URI1: variants seen among roughly 807,000 people sequenced by gnomAD.
The protein encoded by URI1 is unconventional prefoldin RPB5 interactor 1.
A neutral mutation model predicts 60.2 loss-of-function variants in URI1; 39 were observed. That is an observed-to-expected ratio of 0.65 (90% CI 0.50 to 0.85). URI1 has a LOEUF of 0.85. Ranked by LOEUF, URI1 falls within the 40% of genes least tolerant of loss-of-function variation. The probability of loss-of-function intolerance (pLI) is 0.00; values close to 1 mark genes in which losing one functional copy is unlikely to be tolerated. For synonymous variants in URI1, 251 were observed against 236.8 expected, an observed-to-expected ratio of 1.06 and a Z score of -0.55; for missense variants, 691 against 665.9, an observed-to-expected ratio of 1.04 and a Z score of -0.42.
At chr19:29,964,968 A>T (rs1387733591) in intron 1 of URI1, among the ~76,000 whole-genome samples, 1 of 151,626 alleles carries the variant, frequency 6.6e-6, no homozygotes, top group East Asian at 1.9e-4. Context: ...TTGCTACTCT[A>T]AAGTTTTCTT....
rs1318145511 is a variant in URI1, at chr19:29,986,369, A to G, written c.319A>G (p.Lys107Glu). 2 of 1,610,382 alleles carry G rather than the reference A, an allele frequency of 1.2e-6. No homozygotes were observed. Among genetic ancestry groups the G allele is most frequent in the African/African-American group, 1.3e-5 (1 of 74,742 alleles). ...TTTACTGGGGGACAACTGGTTTGCA[A>G]AGTGCTCAGCAAAGCAGGCTGTAGG... ...TVLLGDNWFA[K>E]CSAKQAVGLV... The change falls in exon 4 of 11, where the codon AAG (lysine) becomes GAG (glutamate). Residue 107 changes from lysine to glutamate, a missense_variant. Coordinates refer to ENST00000392271, the MANE Select transcript of URI1 (RefSeq NM_003796.3).
chr19:30,011,015 GT>G, intron 8 of URI1, 78 bp from the exon 9 acceptor site: 1 of 1,471,908 alleles, frequency 6.8e-7, no homozygotes, highest in Non-Finnish European at 9.2e-7. Context: ...TATTTTTTTA[GT>G]TATAGAGTTT....
chr19:30,011,281 C>G (rs767275652), intron 9 of URI1, 45 bp downstream of exon 9: 3 of 1,546,756 alleles, frequency 1.9e-6, no homozygotes, highest in Non-Finnish European at 2.6e-6. Context: ...GGGCTTGCCT[C>G]TCTTTCTGCC....
At position 30,015,133 on chromosome 19, in the gene URI1, A is replaced by G. The variant is rs538420240; in HGVS notation, c.*64A>G. ...AGTTGTTCATTTGTTTAGAGTATCT[A>G]TAGCAAAATAGGTTACATGTAGTTT... On this transcript the variant is annotated 3_prime_UTR_variant, in exon 11 of 11. Coordinates refer to ENST00000392271, the MANE Select transcript of URI1 (RefSeq NM_003796.3). 1.6e-4 allele frequency: 244 copies of G among 1,550,218 alleles called. No individual in the cohort carries two copies. In the African/African-American group the frequency reaches 1.9e-3, roughly 12 times the overall value.
At chr19:29,964,464 GTTT>G (rs373357906) in intron 1 of URI1, among the ~76,000 whole-genome samples, 1 of 124,646 alleles carries the variant, frequency 8.0e-6, no homozygotes, top group Admixed American at 8.2e-5. Context: ...TTTTTGTTTT[GTTT>G]TTTTTTTTTT....
At chr19:29,989,782 T>TAA (rs780848981) in intron 4 of URI1, among the ~76,000 whole-genome samples, 14 of 140,504 alleles carry the variant, frequency 1.0e-4, no homozygotes, top group Non-Finnish European at 3.1e-5. Flanking sequence ...TTTTTTTTTT[T>TAA]AATATATTCT....
At chr19:29,946,269 T>C (rs1204406750) in intron 1 of URI1, among the ~76,000 whole-genome samples, 1 of 152,212 alleles carries the variant, frequency 6.6e-6, no homozygotes, top group Non-Finnish European at 1.5e-5. Flanking sequence ...TTGTGGAGTG[T>C]CTTGGGCTGT....
rs1473950105 is a variant in URI1 at position 29,993,668 on chromosome 19, A to T, written c.367+7251A>T. On this transcript the variant is annotated intron_variant, in intron 4 of 10. Transcript: ENST00000392271. ...GGTCATTCACAAGATGGGCTTTTTT[A>T]AAAATTATTTTTTTAGTAGGTTATA... Among the ~76,000 whole-genome samples, 7 of 152,190 alleles carry T rather than the reference A, an allele frequency of 4.6e-5. No homozygotes were observed. The East Asian group carries it at 1.2e-3, about 25-fold the overall frequency.
At chr19:29,927,462 A>G (rs2145189925) in intron 1 of URI1, among the ~76,000 whole-genome samples, 1 of 149,170 alleles carries the variant, frequency 6.7e-6, no homozygotes, top group South Asian at 2.1e-4. Context: ...GGGTTTCACC[A>G]TATTGGCCAG....
chr19:29,991,602 T>TG (rs1174155101), intron 4 of URI1, among the ~76,000 whole-genome samples: 5 of 152,170 alleles, frequency 3.3e-5, no homozygotes, highest in African/African-American at 1.2e-4. Flanking sequence ...TTCTTTTTCT[T>TG]GCCTTACTTC....
chr19:29,930,087 C>T (rs1448644289), intron 1 of URI1, among the ~76,000 whole-genome samples: 2 of 151,682 alleles, frequency 1.3e-5, no homozygotes, highest in African/African-American at 4.8e-5. Context: ...CTACAGGTGC[C>T]ACCCAACACC....
upstream of URI1, among the ~76,000 whole-genome samples, chr19:29,938,510 G>C (rs1025933704): frequency 6.6e-6 from 1 of 151,986 alleles, no homozygotes; most frequent in Non-Finnish European, 1.5e-5. Flanking sequence ...GATTTTGAGG[G>C]AACAATATCC....
intron 4 of URI1, among the ~76,000 whole-genome samples, chr19:29,991,633 T>C (rs2055748213): frequency 6.6e-6 from 1 of 152,146 alleles, no homozygotes; most frequent in Non-Finnish European, 1.5e-5. Context: ...ACTTGCAGTA[T>C]AATATTGAAT....
At chr19:29,960,781 CCTTT>C (rs1231812799) in intron 1 of URI1, among the ~76,000 whole-genome samples, 10 of 152,070 alleles carry the variant, frequency 6.6e-5, no homozygotes, top group Admixed American at 6.6e-4. Flanking sequence ...AATTTTATCA[CCTTT>C]CTATTAGACG....
At chr19:29,952,072 A>G (rs1433423212) in intron 1 of URI1, among the ~76,000 whole-genome samples, 3 of 152,336 alleles carry the variant, frequency 2.0e-5, no homozygotes, top group East Asian at 1.9e-4. Flanking sequence ...TTAACCTTCA[A>G]TATACCAGAA....
rs56099522 is a variant in URI1, at chr19:29,946,067, TCC to T, written c.117+3411_117+3412del. Among the ~76,000 whole-genome samples the T allele has an allele frequency of 2.3e-4, 35 of 151,828 alleles. No individual in the cohort carries two copies. In the South Asian group the frequency reaches 2.9e-3, roughly 13 times the overall value. ...ACAACCATCTTCCAGTTGATTTCCT[TCC>T]CCCCCCCAAAGGTTTTATTTAATCT... On this transcript the variant is annotated intron_variant, in intron 1 of 10. Transcript: ENST00000392271.
At chr19:29,950,420 A>G (rs891238646) in intron 1 of URI1, among the ~76,000 whole-genome samples, 4 of 152,206 alleles carry the variant, frequency 2.6e-5, no homozygotes, top group Non-Finnish European at 5.9e-5. Flanking sequence ...AGTCTGTCAT[A>G]TGCAATTTTC....
At chr19:29,959,688 A>T (rs1350055389) in intron 1 of URI1, among the ~76,000 whole-genome samples, 1 of 152,056 alleles carries the variant, frequency 6.6e-6, no homozygotes, top group Non-Finnish European at 1.5e-5. Context: ...TTATCAGTAG[A>T]TTTGGTGGTG....
At chr19:29,961,695 T>G (rs1157139255) in intron 1 of URI1, among the ~76,000 whole-genome samples, 2 of 150,112 alleles carry the variant, frequency 1.3e-5, no homozygotes, top group African/African-American at 2.5e-5. Context: ...TTTTTTGTTG[T>G]TTGTTTTGAG....
Sources: allele counts gnomAD v4.1 joint callset (sites outside exome capture counted in the v4.1 genomes callset), GRCh38; gene constraint gnomAD v4.1.1; transcripts MANE v1.5; gene names NCBI Gene and HGNC (gene_info 2026-07-23, HGNC 2026-07-21).